The following MRAP2 variants were observed in gnomAD, a reference collection of about 807,000 sequenced individuals.
MRAP2 encodes the protein melanocortin-2 receptor accessory protein 2.
In MRAP2, 20 loss-of-function variants were observed where a neutral mutation model predicts 17.4. That is an observed-to-expected ratio of 1.15 (90% CI 0.81 to 1.67). The LOEUF is 1.67. MRAP2 is among the 40% of genes most tolerant of loss of function. MRAP2 has a pLI of 0.00. For missense variants in MRAP2, 238 were observed against 240.0 expected (o/e 0.99, Z 0.05); for synonymous variants, 96 against 88.4 (o/e 1.09, Z -0.48).
At chr6:84,100,176 T>C in the MRAP2 span, among the ~76,000 whole-genome samples, 1 of 152,190 alleles carries the variant, frequency 6.6e-6, no homozygotes, top group South Asian at 2.1e-4. Context: ...TCTAATGTTG[T>C]TCTTCCTGTT....
rs1017641210 is a variant in MRAP2 at position 84,062,906 on chromosome 6, T to C, written c.141T>C (p.Ile47=). The part of the protein sequence containing the change: ...GLKAHKYSIV[I]GFWVGLAVFV... ...ACTGTCTTTCAGATTCCATTGTGAT[T>C]GGATTTTGGGTTGGTCTTGCAGTCT... The change falls in exon 3 of 4, where the codon ATT becomes ATC. Residue 47 remains isoleucine, a synonymous_variant. Transcript: ENST00000257776. 5 of 1,614,078 alleles carry C rather than the reference T, an allele frequency of 3.1e-6. No individual in the cohort carries two copies. Among genetic ancestry groups the C allele is most frequent in the African/African-American group, 1.3e-5 (1 of 74,940 alleles).
At chr6:84,133,905 A>G in the MRAP2 span, among the ~76,000 whole-genome samples, 1 of 152,158 alleles carries the variant, frequency 6.6e-6, no homozygotes, top group East Asian at 1.9e-4. Flanking sequence ...CTGGTACCTC[A>G]GTTGGAAGTT....
chr6:84,065,237 A>T (rs2099494354), intron 3 of MRAP2, among the ~76,000 whole-genome samples: 1 of 151,744 alleles, frequency 6.6e-6, no homozygotes, highest in African/African-American at 2.4e-5. Context: ...GTGAGCTGTG[A>T]TTGTGCTGCT....
chr6:84,084,922 TTTTATTTTAC>T (rs1562891752), intron 3 of MRAP2, among the ~76,000 whole-genome samples: 7 of 109,694 alleles, frequency 6.4e-5, no homozygotes, highest in African/African-American at 2.5e-4. Flanking sequence ...TATTTATTTA[TTTTATTTTAC>T]TTTATTTTAT....
chr6:84,145,345 G>GCAAAACAGACTTATA, the MRAP2 span, among the ~76,000 whole-genome samples: 1 of 152,198 alleles, frequency 6.6e-6, no homozygotes, highest in East Asian at 1.9e-4. Context: ...AAAAGTTCCA[G>GCAAAACAGACTTATA]CAAAACAGAC....
chr6:84,073,070 T>C (rs2099496617), intron 3 of MRAP2, among the ~76,000 whole-genome samples: 1 of 152,180 alleles, frequency 6.6e-6, no homozygotes, highest in Admixed American at 6.5e-5. Context: ...ATTCGTGTCC[T>C]TCCCCGAATT....
At chr6:84,072,518 G>A (rs1489683160) in intron 3 of MRAP2, among the ~76,000 whole-genome samples, 1 of 152,240 alleles carries the variant, frequency 6.6e-6, no homozygotes, top group Non-Finnish European at 1.5e-5. Flanking sequence ...TTTTAGCTTT[G>A]GTGGTTTAAT....
At chr6:84,137,349 A>C in the MRAP2 span, among the ~76,000 whole-genome samples, 3 of 152,172 alleles carry the variant, frequency 2.0e-5, no homozygotes, top group African/African-American at 7.2e-5. Context: ...ATTTAAACCC[A>C]GATCTTATAA....
chr6:84,120,842 TTTC>T, the MRAP2 span, among the ~76,000 whole-genome samples: 1 of 152,224 alleles, frequency 6.6e-6, no homozygotes, highest in Admixed American at 6.5e-5. Flanking sequence ...TAACTTAAAA[TTTC>T]TTCTTTTACG....
chr6:84,094,112 C>T (rs1447580563), downstream of MRAP2, among the ~76,000 whole-genome samples: 2 of 152,308 alleles, frequency 1.3e-5, no homozygotes. Context: ...CTGTGGATCA[C>T]TCCTGAATAA....
Position 84,089,422 on chromosome 6 carries a change from C to A in MRAP2, c.559C>A (p.Pro187Thr), listed in dbSNP as rs1465005376. The change falls in exon 4 of 4, where the codon CCA (proline) becomes ACA (threonine). Residue 187 changes from proline to threonine, a missense_variant. By Grantham distance (38) the Pro-to-Thr change is conservative. Coordinates refer to ENST00000257776, the MANE Select transcript of MRAP2 (RefSeq NM_138409.4). ...GGAGGATGATCTTCTGATTTCTGAA[C>A]CACCTATTGTTCTGGAAACTAAGCC... ...FGEDDLLISE[P>T]PIVLETKPLS... The A allele has an allele frequency of 6.2e-7, 1 of 1,614,048 alleles. No individual in the cohort carries two copies. The highest frequency in any genetic ancestry group is 1.7e-5 in the Admixed American group (1 of 60,020).
At chr6:84,113,895 T>C in the MRAP2 span, among the ~76,000 whole-genome samples, 1 of 152,146 alleles carries the variant, frequency 6.6e-6, no homozygotes, top group African/African-American at 2.4e-5. Flanking sequence ...TTTAAGAACA[T>C]TGAATATTGG....
At chr6:84,068,672 T>C (rs895177245) in intron 3 of MRAP2, among the ~76,000 whole-genome samples, 8 of 152,038 alleles carry the variant, frequency 5.3e-5, no homozygotes, top group Non-Finnish European at 7.3e-5. Context: ...TTTGCAGATA[T>C]TGTAAAAGGG....
At chr6:84,072,701 C>G (rs1480989660) in intron 3 of MRAP2, among the ~76,000 whole-genome samples, 1 of 152,088 alleles carries the variant, frequency 6.6e-6, no homozygotes, top group African/African-American at 2.4e-5. Flanking sequence ...CGGGTTGGGG[C>G]AAGGCTAGGC....
At chr6:84,059,004 A>G (rs1439745664) in intron 2 of MRAP2, among the ~76,000 whole-genome samples, 2 of 152,224 alleles carry the variant, frequency 1.3e-5, no homozygotes, top group Non-Finnish European at 2.9e-5. Flanking sequence ...CAAATCTCTC[A>G]AGTGTCTCAC....
chr6:84,087,553 C>T (rs2099500809), intron 3 of MRAP2, among the ~76,000 whole-genome samples: 1 of 152,174 alleles, frequency 6.6e-6, no homozygotes, highest in Non-Finnish European at 1.5e-5. Flanking sequence ...CACACTCATC[C>T]CTGTTCTCAA....
intron 3 of MRAP2, among the ~76,000 whole-genome samples, chr6:84,069,007 G>A (rs2129169947): frequency 6.6e-6 from 1 of 152,000 alleles, no homozygotes; most frequent in South Asian, 2.1e-4. Context: ...CTTTCTGGAG[G>A]AGCCTTTAGG....
intron 1 of MRAP2, among the ~76,000 whole-genome samples, chr6:84,037,534 G>A (rs185414226): frequency 1.0e-3 from 156 of 152,112 alleles, no homozygotes; most frequent in Non-Finnish European, 1.8e-3. Context: ...AGGGGGCGGC[G>A]CCCGTTGGGG....
intron 3 of MRAP2, among the ~76,000 whole-genome samples, chr6:84,085,136 G>A (rs1324772926): frequency 6.6e-6 from 1 of 151,098 alleles, no homozygotes; most frequent in Non-Finnish European, 1.5e-5. Context: ...CTCACTGCAA[G>A]CTCCACCTCC....
Sources: gnomAD v4.1 joint callset for allele counts (sites outside exome capture counted in the v4.1 genomes callset) on GRCh38, gnomAD v4.1.1 for gene constraint, MANE v1.5 for transcripts, NCBI Gene and HGNC (gene_info 2026-07-23, HGNC 2026-07-21) for gene names.